The following EBF2 variants were observed in gnomAD, a reference collection of about 807,000 sequenced individuals.
EBF2 encodes the protein transcription factor COE2.
Under a neutral mutation model 72.8 loss-of-function variants are expected in EBF2, and 21 were observed. That is an observed-to-expected ratio of 0.29 (90% CI 0.20 to 0.42). The LOEUF (loss-of-function observed/expected upper bound fraction) is 0.42. EBF2 is among the 10% of genes least tolerant of loss of function. The pLI, the probability that EBF2 is intolerant of heterozygous loss-of-function variation, is 1.00. For missense variants in EBF2, 637 were observed against 731.2 expected (o/e 0.87, Z 1.49); for synonymous variants, 299 against 274.2 (o/e 1.09, Z -0.89).
At chr8:26,018,600 G>A (rs1394084294) in intron 6 of EBF2, among the ~76,000 whole-genome samples, 92 of 151,912 alleles carry the variant, frequency 6.1e-4, no homozygotes, top group Admixed American at 6.0e-3. Context: ...GAACCCGGGA[G>A]GCGGAGGTTG....
intron 6 of EBF2, among the ~76,000 whole-genome samples, chr8:25,990,774 C>A (rs552644116): frequency 6.6e-6 from 1 of 152,204 alleles, no homozygotes; most frequent in Non-Finnish European, 1.5e-5. Context: ...GTTGTTTGAG[C>A]CAACTCAGTA....
intron 6 of EBF2, among the ~76,000 whole-genome samples, chr8:25,921,997 A>G (rs372870103): frequency 3.3e-5 from 5 of 152,190 alleles, no homozygotes; most frequent in South Asian, 2.1e-4. Context: ...GGTGAAACTG[A>G]GCCACCTTGT....
rs536124808 is a variant in EBF2 at position 26,022,382 on chromosome 8, G to A, written c.551+10703C>T. On this transcript the variant is annotated intron_variant, in intron 6 of 15. Coordinates refer to ENST00000520164, the MANE Select transcript of EBF2 (RefSeq NM_022659.4). Reference sequence around the variant, plus strand: ...AATGTCCTGTACAATTGTGCATAAAGCACCAAAACAGCTCACCATTTATCT... The same window carrying A: ...AATGTCCTGTACAATTGTGCATAAAACACCAAAACAGCTCACCATTTATCT... Among the ~76,000 whole-genome samples, 4 of 152,288 alleles carry A rather than the reference G, an allele frequency of 2.6e-5. No homozygotes were observed. In the East Asian group the frequency reaches 5.8e-4, roughly 22 times the overall value.
At chr8:25,948,819 G>A (rs533433793) in intron 6 of EBF2, among the ~76,000 whole-genome samples, 2 of 152,282 alleles carry the variant, frequency 1.3e-5, no homozygotes, top group East Asian at 3.9e-4. Context: ...CGTTGACTCT[G>A]GCTGCCTCAG....
intron 6 of EBF2, among the ~76,000 whole-genome samples, chr8:25,914,403 A>T (rs1803177220): frequency 6.6e-6 from 1 of 152,222 alleles, no homozygotes; most frequent in Non-Finnish European, 1.5e-5. Flanking sequence ...AGTGGGACCC[A>T]GCCTTGGCCT....
chr8:26,009,787 C>T (rs1226357392), intron 6 of EBF2, among the ~76,000 whole-genome samples: 3 of 152,142 alleles, frequency 2.0e-5, no homozygotes, highest in African/African-American at 7.2e-5. Context: ...AGGGAAACAC[C>T]CCAGTTAGAA....
intron 6 of EBF2, among the ~76,000 whole-genome samples, chr8:25,908,759 C>A (rs1803081149): frequency 6.6e-6 from 1 of 152,168 alleles, no homozygotes; most frequent in Admixed American, 6.5e-5. Flanking sequence ...CACCCGCTTC[C>A]CCATCACTGT....
At chr8:25,973,605 A>T (rs539917466) in intron 6 of EBF2, among the ~76,000 whole-genome samples, 2 of 152,280 alleles carry the variant, frequency 1.3e-5, no homozygotes, top group East Asian at 3.9e-4. Context: ...CTCAAATCAC[A>T]TTTCCATCCT....
At chr8:25,892,401 T>A (rs922181969) in intron 7 of EBF2, among the ~76,000 whole-genome samples, 3 of 152,144 alleles carry the variant, frequency 2.0e-5, no homozygotes, top group African/African-American at 7.2e-5. Context: ...ATCACAGGTT[T>A]GGGTTTTTTT....
chr8:25,872,433 G>A (rs1188718443), intron 10 of EBF2, among the ~76,000 whole-genome samples: 1 of 152,092 alleles, frequency 6.6e-6, no homozygotes, highest in African/African-American at 2.4e-5. Context: ...GGATTACCAT[G>A]GAATCTGTAA....
At chr8:25,992,069 C>T (rs796296654) in intron 6 of EBF2, among the ~76,000 whole-genome samples, 13 of 151,880 alleles carry the variant, frequency 8.6e-5, no homozygotes, top group African/African-American at 3.1e-4. Flanking sequence ...CTCACTCTGT[C>T]ACTCAGGCTA....
chr8:25,989,330 T>C (rs994193981), intron 6 of EBF2, among the ~76,000 whole-genome samples: 4 of 152,170 alleles, frequency 2.6e-5, no homozygotes, highest in Non-Finnish European at 4.4e-5. Flanking sequence ...GCTTTCACCA[T>C]CTCCCATGTG....
intron 3 of EBF2, 46 bp from the exon 4 acceptor site, chr8:26,040,717 C>T: frequency 6.5e-7 from 1 of 1,547,490 alleles, no homozygotes; most frequent in Non-Finnish European, 8.7e-7. Context: ...AGAGCCCCTT[C>T]CGGGCACCCC....
intron 7 of EBF2, among the ~76,000 whole-genome samples, chr8:25,894,132 C>G (rs1219561712): frequency 1.3e-5 from 2 of 152,186 alleles, no homozygotes; most frequent in African/African-American, 4.8e-5. Flanking sequence ...GGATTTAATT[C>G]ATAAACTCCA....
At chr8:26,008,909 A>G (rs962668380) in intron 6 of EBF2, among the ~76,000 whole-genome samples, 17 of 151,890 alleles carry the variant, frequency 1.1e-4, no homozygotes, top group African/African-American at 3.4e-4. Context: ...ATGTGTGTGT[A>G]AAATTGTAGG....
At chr8:25,879,560 T>G (rs963122952) in intron 10 of EBF2, among the ~76,000 whole-genome samples, 1 of 152,106 alleles carries the variant, frequency 6.6e-6, no homozygotes, top group African/African-American at 2.4e-5. Flanking sequence ...TTTGAAACAC[T>G]AGAGATACCA....
At chr8:25,874,333 C>A (rs1225148214) in intron 10 of EBF2, among the ~76,000 whole-genome samples, 1 of 152,048 alleles carries the variant, frequency 6.6e-6, no homozygotes, top group Non-Finnish European at 1.5e-5. Context: ...AAACCTCGGC[C>A]TCTGATTTTT....
At chr8:25,946,898 G>A (rs1803778253) in intron 6 of EBF2, among the ~76,000 whole-genome samples, 1 of 152,180 alleles carries the variant, frequency 6.6e-6, no homozygotes, top group South Asian at 2.1e-4. Context: ...AGTGGAGAGG[G>A]TTAGTCTATC....
intron 6 of EBF2, among the ~76,000 whole-genome samples, chr8:26,028,152 A>T (rs926594387): frequency 2.0e-5 from 3 of 152,246 alleles, no homozygotes; most frequent in African/African-American, 7.2e-5. Flanking sequence ...ATTTTTTAAA[A>T]AAGAAAATGG....
Sources: gnomAD v4.1 joint callset for allele counts (sites outside exome capture counted in the v4.1 genomes callset) on GRCh38, gnomAD v4.1.1 for gene constraint, MANE v1.5 for transcripts, NCBI Gene and HGNC (gene_info 2026-07-23, HGNC 2026-07-21) for gene names.